The following SPOCK1 variants were observed in gnomAD, a reference collection of about 807,000 sequenced individuals.
SPOCK1 encodes the protein testican-1.
SPOCK1 carries 23 observed loss-of-function variants against 55.3 expected under a neutral mutation model. The ratio of observed to expected loss-of-function variants is 0.42; its 90% CI spans 0.30 to 0.59. SPOCK1 has a LOEUF of 0.59. SPOCK1 is among the 20% of genes least tolerant of loss of function. The pLI is 0.22. For synonymous variants in SPOCK1, 226 were observed against 221.0 expected, an observed-to-expected ratio of 1.02 and a Z score of -0.20; for missense variants, 499 against 552.5, an observed-to-expected ratio of 0.90 and a Z score of 0.97.
At chr5:137,353,704 C>A (rs1050724603) in intron 2 of SPOCK1, among the ~76,000 whole-genome samples, 1 of 152,168 alleles carries the variant, frequency 6.6e-6, no homozygotes, top group African/African-American at 2.4e-5. Context: ...CAGTGATATA[C>A]AAACAAATCA....
chr5:137,488,416 C>G (rs1322660516), intron 2 of SPOCK1, among the ~76,000 whole-genome samples: 2 of 152,160 alleles, frequency 1.3e-5, no homozygotes, highest in African/African-American at 4.8e-5. Context: ...ATTTAAAATG[C>G]AGGTTCCTGG....
intron 4 of SPOCK1, among the ~76,000 whole-genome samples, chr5:137,125,270 G>A (rs546098034): frequency 5.3e-5 from 8 of 152,288 alleles, no homozygotes; most frequent in South Asian, 2.1e-4. Flanking sequence ...ATACAAGAGT[G>A]AACTAGTCAT....
chr5:137,361,392 G>C (rs1294262582), intron 2 of SPOCK1, among the ~76,000 whole-genome samples: 2 of 152,210 alleles, frequency 1.3e-5, no homozygotes, highest in East Asian at 3.8e-4. Flanking sequence ...CTGTATCAGA[G>C]TCACCTAACA....
At chr5:137,116,176 C>T (rs1044892590) in intron 4 of SPOCK1, among the ~76,000 whole-genome samples, 6 of 152,308 alleles carry the variant, frequency 3.9e-5, no homozygotes, top group Admixed American at 6.5e-5. Context: ...AAGCCATCCA[C>T]GATGGCAAGA....
At chr5:137,089,738 G>GA in intron 5 of SPOCK1, among the ~76,000 whole-genome samples, 1 of 151,428 alleles carries the variant, frequency 6.6e-6, no homozygotes, top group East Asian at 1.9e-4. Flanking sequence ...AAACAGAAAC[G>GA]CCAAATCTAC....
intron 2 of SPOCK1, among the ~76,000 whole-genome samples, chr5:137,469,144 T>A (rs1753681079): frequency 6.6e-6 from 1 of 152,310 alleles, no homozygotes; most frequent in African/African-American, 2.4e-5. Context: ...TTAACAAACA[T>A]CTTCAATCAG....
At chr5:137,196,461 C>A (rs1367691410) in intron 3 of SPOCK1, among the ~76,000 whole-genome samples, 1 of 152,236 alleles carries the variant, frequency 6.6e-6, no homozygotes, top group Non-Finnish European at 1.5e-5. Context: ...TCTCACCAGG[C>A]TTTCCTTACT....
At chr5:137,149,866 CTA>C (rs1341011231) in intron 3 of SPOCK1, among the ~76,000 whole-genome samples, 1 of 152,126 alleles carries the variant, frequency 6.6e-6, no homozygotes, top group African/African-American at 2.4e-5. Context: ...CACTTCTTGC[CTA>C]TGAGGTATCT....
At chr5:137,391,438 C>A (rs1277509463) in intron 2 of SPOCK1, among the ~76,000 whole-genome samples, 1 of 152,002 alleles carries the variant, frequency 6.6e-6, no homozygotes, top group Non-Finnish European at 1.5e-5. Context: ...ATGAAGGGCA[C>A]CCAGCAATAC....
intron 9 of SPOCK1, among the ~76,000 whole-genome samples, chr5:136,982,580 A>G (rs1054563268): frequency 6.6e-6 from 1 of 152,090 alleles, no homozygotes; most frequent in African/African-American, 2.4e-5. Context: ...AGTTTTTCCT[A>G]GTAAAATCTA....
chr5:136,989,073 G>A (rs1010419076), intron 7 of SPOCK1, among the ~76,000 whole-genome samples: 2 of 152,188 alleles, frequency 1.3e-5, no homozygotes, highest in Non-Finnish European at 2.9e-5. Flanking sequence ...GCAGTGAAAT[G>A]AAACAACATA....
At chr5:137,151,726 G>A (rs1364214323) in intron 3 of SPOCK1, among the ~76,000 whole-genome samples, 1 of 152,136 alleles carries the variant, frequency 6.6e-6, no homozygotes, top group African/African-American at 2.4e-5. Context: ...CAGGTGAAAG[G>A]TCCTAGAGTT....
intron 3 of SPOCK1, among the ~76,000 whole-genome samples, chr5:137,163,875 C>T (rs1431761540): frequency 6.6e-6 from 1 of 152,210 alleles, no homozygotes; most frequent in Non-Finnish European, 1.5e-5. Flanking sequence ...GATCTCATAT[C>T]ATACAAACAC....
chr5:137,433,083 G>C (rs946216020), intron 2 of SPOCK1, among the ~76,000 whole-genome samples: 1 of 152,240 alleles, frequency 6.6e-6, no homozygotes, highest in African/African-American at 2.4e-5. Context: ...TACAAGGTAA[G>C]ATGTAGCACC....
chr5:136,984,420 C>CT (rs535430073), intron 9 of SPOCK1, among the ~76,000 whole-genome samples: 1 of 133,744 alleles, frequency 7.5e-6, no homozygotes, highest in Non-Finnish European at 1.7e-5. Flanking sequence ...GCTGACACCT[C>CT]TTTTTTTAAA....
chr5:136,993,388 G>T (rs1164160938), intron 6 of SPOCK1, among the ~76,000 whole-genome samples: 2 of 152,084 alleles, frequency 1.3e-5, no homozygotes, highest in African/African-American at 4.8e-5. Context: ...TGCAGAGAAG[G>T]GAGTTGACTT....
At chr5:137,295,125 G>C (rs1757453741) in intron 2 of SPOCK1, among the ~76,000 whole-genome samples, 1 of 152,218 alleles carries the variant, frequency 6.6e-6, no homozygotes, top group Non-Finnish European at 1.5e-5. Context: ...ACCCACGGGA[G>C]ATACTGCACA....
At chr5:137,127,270 T>G (rs1213551235) in intron 4 of SPOCK1, among the ~76,000 whole-genome samples, 2 of 152,050 alleles carry the variant, frequency 1.3e-5, no homozygotes. Flanking sequence ...CCACAGTGAG[T>G]ACTATGAGGC....
chr5:137,189,932 T>C (rs1023566098), intron 3 of SPOCK1, among the ~76,000 whole-genome samples: 1 of 151,850 alleles, frequency 6.6e-6, no homozygotes, highest in African/African-American at 2.4e-5. Context: ...GGTACAAGAC[T>C]TCATAATAGG....
Sources: allele counts gnomAD v4.1 joint callset (sites outside exome capture counted in the v4.1 genomes callset), GRCh38; gene constraint gnomAD v4.1.1; transcripts MANE v1.5; gene names NCBI Gene and HGNC (gene_info 2026-07-23, HGNC 2026-07-21).